The following KYNU variants were observed in gnomAD, a reference collection of about 807,000 sequenced individuals.
KYNU encodes L-kynurenine hydrolase.
A neutral mutation model predicts 59.2 loss-of-function variants in KYNU; 54 were observed. The ratio of observed to expected loss-of-function variants is 0.91; its 90% CI spans 0.73 to 1.14. The LOEUF is 1.14. Among genes scored for constraint, KYNU ranks in the 50% most tolerant of loss-of-function variants. The probability of loss-of-function intolerance (pLI) is 0.00; values close to 1 mark genes in which losing one functional copy is unlikely to be tolerated. For synonymous variants in KYNU, 177 were observed against 192.0 expected, an observed-to-expected ratio of 0.92 and a Z score of 0.65; for missense variants, 567 against 554.4, an observed-to-expected ratio of 1.02 and a Z score of -0.23.
At chr2:142,934,039 A>G (rs1683307871) in intron 4 of KYNU, among the ~76,000 whole-genome samples, 2 of 152,256 alleles carry the variant, frequency 1.3e-5, no homozygotes, top group South Asian at 2.1e-4. Context: ...TACTGGGAGT[A>G]CAGCTTGGTT....
At chr2:142,953,970 C>A (rs540276464) in intron 4 of KYNU, 17 of 152,048 alleles carry the variant, frequency 1.1e-4, no homozygotes, top group South Asian at 6.2e-4. Flanking sequence ...GGATAAGGTA[C>A]ACATCTCATT....
chr2:142,896,202 G>C (rs1039010093), intron 2 of KYNU, among the ~76,000 whole-genome samples: 11 of 152,138 alleles, frequency 7.2e-5, no homozygotes, highest in African/African-American at 2.7e-4. Flanking sequence ...TAAGAAACTG[G>C]CAAACTTTTC....
intron 4 of KYNU, among the ~76,000 whole-genome samples, chr2:142,939,618 AAAAAG>A (rs1196060879): frequency 5.3e-5 from 8 of 150,342 alleles, no homozygotes; most frequent in Non-Finnish European, 8.9e-5. Flanking sequence ...AAAAAAAAAA[AAAAAG>A]AAAAAAGAAA....
chr2:142,992,669 A>C lies in KYNU; in HGVS notation c.902+6648A>C, dbSNP rs78504795. ...ATACATCTTTCTATCTCAGAAACTA[A>C]ATATGGTAAAACTTGCATTTTATCT... On this transcript the variant is annotated intron_variant, in intron 10 of 13. Transcript: ENST00000264170. Among the ~76,000 whole-genome samples the C allele has an allele frequency of 2.8e-3, 431 of 151,958 alleles. 2 individuals carry two copies. Among genetic ancestry groups the C allele is most frequent in the Non-Finnish European group, 4.7e-3 (320 of 67,904 alleles).
chr2:142,894,460 A>G (rs1363808536), intron 2 of KYNU, among the ~76,000 whole-genome samples: 1 of 152,220 alleles, frequency 6.6e-6, no homozygotes, highest in Non-Finnish European at 1.5e-5. Flanking sequence ...TTTTTTATTT[A>G]GTAAAATGCA....
chr2:142,954,848 A>C lies in KYNU; in HGVS notation c.412A>C (p.Thr138Pro). 1 of 1,598,630 alleles carries C rather than the reference A, an allele frequency of 6.3e-7. No individual in the cohort carries two copies. The highest frequency in any genetic ancestry group is 8.6e-7 in the Non-Finnish European group (1 of 1,166,328). Residue 138 changes from threonine (T) to proline (P), a missense_variant, in exon 5 of 14, where the codon ACT becomes CCT. Coordinates refer to ENST00000264170, the MANE Select transcript of KYNU (RefSeq NM_003937.3). ...AGAAATAGCCCTAATGAATGCTTTG[A>C]CTGTAAATTTACATCTTCTAATGGT... ...EKEIALMNAL[T>P]VNLHLLMLSF...
At chr2:142,978,597 G>A (rs1454096768) in intron 8 of KYNU, among the ~76,000 whole-genome samples, 3 of 152,152 alleles carry the variant, frequency 2.0e-5, no homozygotes, top group Non-Finnish European at 4.4e-5. Flanking sequence ...CCAGTCCCTA[G>A]CAGTGAACAT....
intron 1 of KYNU, among the ~76,000 whole-genome samples, chr2:142,881,863 A>G (rs2105019032): frequency 6.6e-6 from 1 of 150,980 alleles, no homozygotes; most frequent in African/African-American, 2.4e-5. Context: ...CTCGGTAGCT[A>G]GGACCACAGG....
At chr2:143,009,911 C>G (rs1573896682) in intron 10 of KYNU, among the ~76,000 whole-genome samples, 2 of 116,446 alleles carry the variant, frequency 1.7e-5, no homozygotes, top group Admixed American at 8.5e-5. Flanking sequence ...GGATGTATTT[C>G]AAAATAATAA....
chr2:143,010,993 T>C (rs28872895), intron 10 of KYNU, among the ~76,000 whole-genome samples: 1,476 of 129,672 alleles, frequency 0.011, 8 homozygotes, highest in South Asian at 0.023. Context: ...ATTCAGGACA[T>C]AGGCATGGGC....
intron 2 of KYNU, among the ~76,000 whole-genome samples, chr2:142,913,404 A>G (rs1682569558): frequency 6.6e-6 from 1 of 152,028 alleles, no homozygotes; most frequent in South Asian, 2.1e-4. Context: ...CTCTGTTTTC[A>G]TTTATTTCAA....
chr2:142,943,044 T>C (rs1265356496), intron 4 of KYNU, among the ~76,000 whole-genome samples: 1 of 151,978 alleles, frequency 6.6e-6, no homozygotes, highest in African/African-American at 2.4e-5. Flanking sequence ...TCCTGAGATA[T>C]TGGGAAACTG....
intron 8 of KYNU, among the ~76,000 whole-genome samples, chr2:142,982,622 C>T (rs542921869): frequency 2.2e-4 from 34 of 152,126 alleles, no homozygotes; most frequent in African/African-American, 7.2e-4. Context: ...TCTTAGGGTA[C>T]AAAGTCAATG....
At chr2:142,890,230 C>A (rs1681670274) in intron 2 of KYNU, among the ~76,000 whole-genome samples, 1 of 152,068 alleles carries the variant, frequency 6.6e-6, no homozygotes, top group Non-Finnish European at 1.5e-5. Flanking sequence ...GCAAGGCATA[C>A]ATGTGGAAAG....
chr2:142,973,838 A>T, intron 8 of KYNU, among the ~76,000 whole-genome samples: 1 of 152,194 alleles, frequency 6.6e-6, no homozygotes, highest in East Asian at 1.9e-4. Flanking sequence ...TCTGTCTTTA[A>T]AGAGATCAGA....
chr2:142,995,375 A>G (rs1685510777), intron 10 of KYNU, among the ~76,000 whole-genome samples: 1 of 152,134 alleles, frequency 6.6e-6, no homozygotes, highest in Non-Finnish European at 1.5e-5. Flanking sequence ...GTAATTGAAT[A>G]TGTAACAGAA....
intron 10 of KYNU, among the ~76,000 whole-genome samples, chr2:143,003,633 TC>T (rs1685777894): frequency 6.6e-6 from 1 of 152,138 alleles, no homozygotes; most frequent in South Asian, 2.1e-4. Context: ...ACTTTGGTAT[TC>T]ATACTTCAAA....
intron 4 of KYNU, among the ~76,000 whole-genome samples, chr2:142,936,416 T>C (rs1047735774): frequency 6.6e-6 from 1 of 152,136 alleles, no homozygotes; most frequent in African/African-American, 2.4e-5. Flanking sequence ...AGGGTTCTTT[T>C]ATGAGGCAGC....
In KYNU at chr2:143,050,720, TTTC is replaced by T. The variant is rs1246634165; in HGVS notation, c.*8550_*8552del. On this transcript the variant is annotated 3_prime_UTR_variant, in exon 14 of 14. Transcript: ENST00000264170. ...AAATTAATTTCAAATTAAATAAACT[TTTC>T]TACAGCTATTTTATGCTCAATAACT... The T allele has an allele frequency of 3.9e-5, 6 of 152,220 alleles. No individual in the cohort carries two copies. The East Asian group carries it at 1.2e-3, about 29-fold the overall frequency. The allele number at this position is 152,220 out of a possible 1,614,324, so 9.4% of individuals were successfully genotyped here.
Sources: allele counts gnomAD v4.1 joint callset (sites outside exome capture counted in the v4.1 genomes callset), GRCh38; gene constraint gnomAD v4.1.1; transcripts MANE v1.5; gene names NCBI Gene and HGNC (gene_info 2026-07-23, HGNC 2026-07-21).